KCNMA1: variants seen among roughly 807,000 people sequenced by gnomAD.
KCNMA1 encodes Calcium-activated potassium channel subunit alpha-1.
A neutral mutation model predicts 140.0 loss-of-function variants in KCNMA1; 29 were observed. The ratio of observed to expected loss-of-function variants is 0.21; its 90% confidence interval spans 0.15 to 0.28. KCNMA1 has a LOEUF of 0.28. Ranked by LOEUF, KCNMA1 falls within the 10% of genes least tolerant of loss-of-function variation. The pLI is 1.00. For missense variants in KCNMA1, 880 were observed against 1,602.2 expected (o/e 0.55, Z 7.70); for synonymous variants, 612 against 611.9 (o/e 1.00, Z 0.00).
chr10:76,880,052 C>T (rs961712664), downstream of KCNMA1, among the ~76,000 whole-genome samples: 1 of 152,030 alleles, frequency 6.6e-6, no homozygotes, highest in Admixed American at 6.6e-5. Context: ...GTTGGACATG[C>T]CAGGTTGGAA....
At chr10:77,150,804 C>T (rs1218861894) in intron 5 of KCNMA1, among the ~76,000 whole-genome samples, 1 of 152,170 alleles carries the variant, frequency 6.6e-6, no homozygotes, top group East Asian at 1.9e-4. Context: ...TAAGTAGGTT[C>T]TAGTTTCAGG....
At chr10:76,924,390 T>C (rs980168832) in intron 23 of KCNMA1, among the ~76,000 whole-genome samples, 8 of 152,222 alleles carry the variant, frequency 5.3e-5, no homozygotes, top group African/African-American at 1.9e-4. Flanking sequence ...ATATGTCAAC[T>C]TTCTTATGTC....
At chr10:77,338,967 T>C (rs1465557708) in intron 2 of KCNMA1, among the ~76,000 whole-genome samples, 1 of 152,182 alleles carries the variant, frequency 6.6e-6, no homozygotes, top group East Asian at 1.9e-4. Flanking sequence ...TCTCTAGAGA[T>C]GTGTCTCATG....
intron 1 of KCNMA1, among the ~76,000 whole-genome samples, chr10:77,510,374 T>G (rs191484363): frequency 6.6e-6 from 1 of 152,220 alleles, no homozygotes; most frequent in East Asian, 1.9e-4. Flanking sequence ...TACCACTTAA[T>G]TGACTGATTG....
intron 1 of KCNMA1, among the ~76,000 whole-genome samples, chr10:77,514,864 AT>A (rs2049811369): frequency 6.6e-6 from 1 of 150,824 alleles, no homozygotes. Flanking sequence ...TCTAGACACC[AT>A]TTTTACAGAA....
Position 77,112,905 on chromosome 10 carries a change from C to T in KCNMA1, c.885-463G>A, listed in dbSNP as rs146798141. On this transcript the variant is annotated intron_variant, in intron 6 of 27. Transcript: ENST00000286628. ...AAATCAGAGACATCATGGCACAAGC[C>T]CTAAATACTTTAGCACCCAACTCCT... 5.2e-3 allele frequency among the ~76,000 whole-genome samples: 785 copies of T among 151,970 alleles called. 8 individuals are homozygous for T. The highest frequency in any genetic ancestry group is 0.018 in the African/African-American group (756 of 41,428).
At chr10:77,319,015 G>A (rs1264308440) in intron 2 of KCNMA1, among the ~76,000 whole-genome samples, 2 of 152,154 alleles carry the variant, frequency 1.3e-5, no homozygotes, top group African/African-American at 2.4e-5. Flanking sequence ...TCAAGCAATT[G>A]AGCACCTACT....
chr10:77,155,105 G>C (rs2098467974), intron 5 of KCNMA1, among the ~76,000 whole-genome samples: 1 of 152,188 alleles, frequency 6.6e-6, no homozygotes, highest in Admixed American at 6.5e-5. Context: ...GCCATGGCAG[G>C]CTTTATGGGC....
chr10:76,936,875 G>A (rs2060702039), intron 23 of KCNMA1, among the ~76,000 whole-genome samples: 2 of 152,184 alleles, frequency 1.3e-5, no homozygotes, highest in Admixed American at 1.3e-4. Context: ...CACAAAGACA[G>A]TGCCGTTCAG....
intron 1 of KCNMA1, among the ~76,000 whole-genome samples, chr10:77,423,178 G>C (rs947472665): frequency 1.8e-4 from 28 of 152,232 alleles, no homozygotes; most frequent in African/African-American, 5.8e-4. Flanking sequence ...ATGCCTTAGG[G>C]CTGGATTTGG....
intron 20 of KCNMA1, among the ~76,000 whole-genome samples, chr10:76,955,109 A>T (rs1038000205): frequency 6.6e-6 from 1 of 152,186 alleles, no homozygotes; most frequent in Admixed American, 6.5e-5. Context: ...CAGAAAATAT[A>T]CATCGGGTCA....
chr10:76,950,118 G>A (rs1274154677), intron 21 of KCNMA1, among the ~76,000 whole-genome samples: 1 of 152,174 alleles, frequency 6.6e-6, no homozygotes, highest in African/African-American at 2.4e-5. Flanking sequence ...TTGCCTATGG[G>A]TGCTTTTATG....
chr10:77,563,017 C>T (rs1266932484), intron 1 of KCNMA1, among the ~76,000 whole-genome samples: 1 of 151,790 alleles, frequency 6.6e-6, no homozygotes, highest in Admixed American at 6.6e-5. Context: ...CATTCTTGAT[C>T]TCAGCCCAAA....
At chr10:77,623,771 A>G (rs1197860077) in intron 1 of KCNMA1, among the ~76,000 whole-genome samples, 3 of 152,104 alleles carry the variant, frequency 2.0e-5, no homozygotes, top group Admixed American at 6.5e-5. Flanking sequence ...AAACTATAGT[A>G]CAGAAGAAAC....
intron 2 of KCNMA1, among the ~76,000 whole-genome samples, chr10:77,397,636 G>A (rs926029389): frequency 2.6e-5 from 4 of 152,150 alleles, no homozygotes; most frequent in Non-Finnish European, 5.9e-5. Context: ...TTGTATAAAT[G>A]TAAGGAGTAT....
At chr10:77,061,717 G>A (rs532065562) in intron 14 of KCNMA1, among the ~76,000 whole-genome samples, 83 of 152,128 alleles carry the variant, frequency 5.5e-4, no homozygotes, top group African/African-American at 1.9e-3. Context: ...TGTTTATATC[G>A]ACTGTATTCA....
intron 16 of KCNMA1, among the ~76,000 whole-genome samples, chr10:77,026,648 T>G: frequency 6.6e-6 from 1 of 152,216 alleles, no homozygotes; most frequent in South Asian, 2.1e-4. Flanking sequence ...ATCTACCATT[T>G]TTTTCTTCCT....
chr10:77,402,534 C>G (rs968455783), intron 2 of KCNMA1, among the ~76,000 whole-genome samples: 2 of 152,198 alleles, frequency 1.3e-5, no homozygotes, highest in African/African-American at 4.8e-5. Flanking sequence ...TGAACAGAAC[C>G]TGTCTTTCTT....
chr10:77,374,758 G>A (rs769161583), intron 2 of KCNMA1, among the ~76,000 whole-genome samples: 47 of 152,278 alleles, frequency 3.1e-4, no homozygotes, highest in Non-Finnish European at 5.9e-4. Flanking sequence ...AAAACAAACA[G>A]ACATGAGTCC....
Sources: gnomAD v4.1 joint callset for allele counts (sites outside exome capture counted in the v4.1 genomes callset) on GRCh38, gnomAD v4.1.1 for gene constraint, MANE v1.5 for transcripts, NCBI Gene and HGNC (gene_info 2026-07-23, HGNC 2026-07-21) for gene names.